Variants in LRCH2 observed in about 807,000 individuals in gnomAD.
The protein encoded by LRCH2 is leucine rich repeats and calponin homology domain containing 2.
LRCH2 carries 38 observed loss-of-function variants against 68.9 expected under a neutral mutation model. The observed-to-expected ratio is 0.55, with a 90% confidence interval of 0.43 to 0.72. LRCH2 has a LOEUF of 0.72. LRCH2 is among the 30% of genes least tolerant of loss of function. The pLI, the probability that LRCH2 is intolerant of heterozygous loss-of-function variation, is 0.00. For synonymous variants in LRCH2, 191 were observed against 208.1 expected (o/e 0.92, Z 0.71); for missense variants, 528 against 572.9 (o/e 0.92, Z 0.80).
At position 115,111,364 on chromosome X, in the gene LRCH2, T is replaced by C. The variant is rs1489196333; in HGVS notation, c.*1852A>G. On this transcript the variant is annotated 3_prime_UTR_variant, in exon 21 of 21. Transcript: ENST00000317135. ...ACAACACTTGTAAAATAATTCATAC[T>C]AGATTGATTAATCAGAGACTATCAT... 9.0e-6 allele frequency: 1 copy of C among 111,060 alleles called. No homozygotes were observed. The highest frequency in any genetic ancestry group is 1.9e-5 in the Non-Finnish European group (1 of 53,038). The allele number at this position is 111,060 out of a possible 1,213,427, so 9.2% of individuals were successfully genotyped here.
chrX:115,126,916 T>A, intron 15 of LRCH2, 23 bp from the exon 16 acceptor site: 1 of 929,571 alleles, frequency 1.1e-6, no homozygotes, highest in Non-Finnish European at 1.4e-6. Flanking sequence ...AATAAAAAGA[T>A]GGAAGATGAA....
At chrX:115,149,368 C>T (rs1250929619) in intron 14 of LRCH2, among the ~76,000 whole-genome samples, 1 of 111,565 alleles carries the variant, frequency 9.0e-6, no homozygotes, top group Non-Finnish European at 1.9e-5. Flanking sequence ...AAAAGACACT[C>T]AAGCAATCTA....
At chrX:115,165,687 T>C (rs1556544462) in intron 8 of LRCH2, 32 bp from the exon 9 acceptor site, 3 of 1,025,905 alleles carry the variant, frequency 2.9e-6, no homozygotes, top group East Asian at 3.3e-5. Context: ...TTAGAAAATG[T>C]ACATAGTAAA....
chrX:115,192,624 G>C, intron 1 of LRCH2: 2 of 1,170,160 alleles, frequency 1.7e-6, no homozygotes, highest in Non-Finnish European at 2.3e-6. Flanking sequence ...TCGAGAGGGG[G>C]GAAGGCCGGA....
At chrX:115,209,485 CTG>C (rs782781315) in intron 1 of LRCH2, among the ~76,000 whole-genome samples, 7 of 112,453 alleles carry the variant, frequency 6.2e-5, no homozygotes, top group African/African-American at 2.3e-4. Context: ...TCCACCATGA[CTG>C]TGAGGTTTCC....
In LRCH2 at chrX:115,233,920, C is replaced by T. The variant is rs1556579350; in HGVS notation, c.122G>A (p.Gly41Asp). The T allele has an allele frequency of 3.4e-6, 4 of 1,163,272 alleles. No homozygotes were observed. The highest frequency in any genetic ancestry group is 3.4e-6 in the Non-Finnish European group (3 of 871,187). ...GGGGAGGGGG[G>D]GGGTLVVPIP... is the part of the protein sequence containing the mutation. Reference sequence around the variant, plus strand: ...GGGGACCACCAGGGTCCCGCCGCCGCCGCCGCCTCCCCCTCCAGCCCCGCC... The same window carrying T: ...GGGGACCACCAGGGTCCCGCCGCCGTCGCCGCCTCCCCCTCCAGCCCCGCC... The change falls in exon 1 of 21, where the codon GGC (glycine) becomes GAC (aspartate). Residue 41 changes from glycine (G) to aspartate (D), a missense_variant. Transcript: ENST00000317135.
intron 5 of LRCH2, among the ~76,000 whole-genome samples, chrX:115,173,081 C>T (rs1556548128): frequency 9.0e-6 from 1 of 111,661 alleles, no homozygotes; most frequent in Admixed American, 9.5e-5. Context: ...GAAAGCCATG[C>T]TGATTAGCAC....
intron 16 of LRCH2, among the ~76,000 whole-genome samples, chrX:115,125,472 T>C (rs1204650401): frequency 0.38 from 143 of 374 alleles, 5 homozygotes; most frequent in East Asian, 0.5. Context: ...TATATATATA[T>C]ATATATATAT....
intron 11 of LRCH2, among the ~76,000 whole-genome samples, chrX:115,159,585 A>C (rs1309459633): frequency 9.1e-6 from 1 of 109,857 alleles, no homozygotes; most frequent in African/African-American, 3.3e-5. Flanking sequence ...CCCCGTCTCT[A>C]CTAAAAATAC....
At chrX:115,176,579 T>C (rs188650033) in intron 5 of LRCH2, among the ~76,000 whole-genome samples, 11 of 109,476 alleles carry the variant, frequency 1.0e-4, no homozygotes, top group Non-Finnish European at 1.9e-4. Context: ...TCATCAGATA[T>C]ATGGTTTACA....
intron 3 of LRCH2, among the ~76,000 whole-genome samples, chrX:115,180,748 A>G (rs1556552223): frequency 8.9e-6 from 1 of 111,829 alleles, no homozygotes; most frequent in Non-Finnish European, 1.9e-5. Flanking sequence ...AGGAAAATAT[A>G]TCCTACATAC....
chrX:115,222,618 A>T (rs1556574491), intron 1 of LRCH2, among the ~76,000 whole-genome samples: 2 of 112,297 alleles, frequency 1.8e-5, no homozygotes, highest in African/African-American at 6.5e-5. Context: ...TCCAAAAACT[A>T]AATTTTTAAA....
In LRCH2 at chrX:115,186,992, G is replaced by A. The variant is rs894514692; in HGVS notation, c.494+1234C>T. 2.0e-4 allele frequency among the ~76,000 whole-genome samples: 22 copies of A among 110,165 alleles called. No individual in the cohort carries two copies. The Admixed American group carries it at 2.0e-3, about 10-fold the overall frequency. On this transcript the variant is annotated intron_variant, in intron 2 of 20. Coordinates refer to ENST00000317135, the MANE Select transcript of LRCH2 (RefSeq NM_020871.4). ...CACCACCACGCCTGGCTAATTTTTT[G>A]TAATTTTAGTAGAGACAGGGTTTCA...
intron 6 of LRCH2, among the ~76,000 whole-genome samples, chrX:115,169,921 A>G (rs2072592300): frequency 9.0e-6 from 1 of 111,237 alleles, no homozygotes; most frequent in African/African-American, 3.3e-5. Context: ...ATGAAAGGGA[A>G]AAGGTACTCC....
At chrX:115,225,931 T>C (rs6643949) in intron 1 of LRCH2, among the ~76,000 whole-genome samples, 2,797 of 112,002 alleles carry the variant, frequency 0.025, 90 homozygotes, top group African/African-American at 0.087. Context: ...ATTTTTAAAT[T>C]TGACAGTACT....
chrX:115,176,581 T>C (rs1202880503), intron 5 of LRCH2, among the ~76,000 whole-genome samples: 7 of 109,549 alleles, frequency 6.4e-5, no homozygotes, highest in African/African-American at 2.3e-4. Flanking sequence ...ATCAGATATA[T>C]GGTTTACAAA....
chrX:115,203,740 A>G (rs1158138614), intron 1 of LRCH2, among the ~76,000 whole-genome samples: 4 of 112,724 alleles, frequency 3.5e-5, no homozygotes, highest in African/African-American at 1.3e-4. Flanking sequence ...GGCCTTGCGT[A>G]GCTCTACCCT....
At chrX:115,180,568 C>A (rs1292230610) in intron 3 of LRCH2, among the ~76,000 whole-genome samples, 2 of 111,553 alleles carry the variant, frequency 1.8e-5, no homozygotes, top group African/African-American at 6.5e-5. Context: ...AGACAGTAAT[C>A]ATTCCAGACA....
intron 14 of LRCH2, among the ~76,000 whole-genome samples, chrX:115,135,005 C>T (rs1229929136): frequency 1.8e-5 from 2 of 111,235 alleles, no homozygotes; most frequent in Non-Finnish European, 3.8e-5. Context: ...GAAATTCATT[C>T]TGATCGTCAT....
Sources: gnomAD v4.1 joint callset for allele counts (sites outside exome capture counted in the v4.1 genomes callset) on GRCh38, gnomAD v4.1.1 for gene constraint, MANE v1.5 for transcripts, NCBI Gene and HGNC (gene_info 2026-07-23, HGNC 2026-07-21) for gene names.